The following INPP4B variants were observed in gnomAD, a reference collection of about 807,000 sequenced individuals.
The protein encoded by INPP4B is inositol polyphosphate-4-phosphatase type II B, also known as inositol polyphosphate 4-phosphatase type II.
In INPP4B, 55 loss-of-function variants were observed where a neutral mutation model predicts 122.5. The observed-to-expected ratio is 0.45, with a 90% confidence interval of 0.36 to 0.56. The LOEUF (loss-of-function observed/expected upper bound fraction) is 0.56. Ranked by LOEUF, INPP4B falls within the 20% of genes least tolerant of loss-of-function variation. The pLI is 0.00. For synonymous variants in INPP4B, 403 were observed against 388.7 expected, an observed-to-expected ratio of 1.04 and a Z score of -0.43; for missense variants, 1,000 against 1,097.7, an observed-to-expected ratio of 0.91 and a Z score of 1.26.
At chr4:142,445,257 G>T (rs1184805215) in intron 3 of INPP4B, among the ~76,000 whole-genome samples, 1 of 152,014 alleles carries the variant, frequency 6.6e-6, no homozygotes, top group Non-Finnish European at 1.5e-5. Context: ...GCATAAAAGA[G>T]ATCCACAGTA....
chr4:142,028,911 T>G lies in INPP4B; in HGVS notation c.2646A>C (p.Glu882Asp). Residue 882 changes from glutamate (E) to aspartate (D), a missense_variant, in exon 26 of 26, where the codon GAA becomes GAC. Glu to Asp is a conservative substitution (Grantham distance 45, BLOSUM62 2). Transcript: ENST00000262992. The stretch of plus-strand genomic sequence containing the variant: ...TCAGTACATTCTCTATGCGGCATCC[T>G]TCTCTGGTGAAAGGGGAAAAAGTAC... ...FIRALDCMRR[E>D]GCRIENVLKN... 2 of 1,608,730 alleles carry G rather than the reference T, an allele frequency of 1.2e-6. No individual in the cohort carries two copies. The highest frequency in any genetic ancestry group is 8.5e-7 in the Non-Finnish European group (1 of 1,178,170).
At chr4:142,517,598 T>C (rs897135922) in intron 2 of INPP4B, among the ~76,000 whole-genome samples, 9 of 152,154 alleles carry the variant, frequency 5.9e-5, no homozygotes, top group Non-Finnish European at 1.3e-4. Context: ...TGTCTTAGCC[T>C]TAAACAAAGA....
At position 142,222,772 on chromosome 4, in the gene INPP4B, C is replaced by T. The variant is rs146706504; in HGVS notation, c.837-13746G>A. 1.9e-3 allele frequency among the ~76,000 whole-genome samples: 288 copies of T among 152,256 alleles called. 1 individual carries two copies. Among genetic ancestry groups the T allele is most frequent in the African/African-American group, 6.4e-3 (267 of 41,554 alleles). On this transcript the variant is annotated intron_variant, in intron 12 of 25. Coordinates refer to ENST00000262992, the MANE Select transcript of INPP4B (RefSeq NM_001101669.3). The stretch of plus-strand genomic sequence containing the variant: ...TCTGCTCTTCTGTCCATTGAGAATT[C>T]GTGGCATAGTATAGTCAGCATACCT...
intron 1 of INPP4B, among the ~76,000 whole-genome samples, chr4:142,812,543 T>C (rs1192448892): frequency 6.6e-6 from 1 of 152,186 alleles, no homozygotes; most frequent in Non-Finnish European, 1.5e-5. Flanking sequence ...TTGCCTACTG[T>C]ATTGTAATGG....
At chr4:142,075,566 C>T (rs1770187804) in intron 25 of INPP4B, among the ~76,000 whole-genome samples, 1 of 151,836 alleles carries the variant, frequency 6.6e-6, no homozygotes, top group South Asian at 2.1e-4. Flanking sequence ...TTCCTAAGAC[C>T]TCGAAGACCA....
intron 5 of INPP4B, among the ~76,000 whole-genome samples, chr4:142,425,924 G>A (rs1186585702): frequency 6.6e-6 from 1 of 151,962 alleles, no homozygotes. Context: ...TGTACAAAAT[G>A]TATATTTTAT....
At chr4:142,517,531 C>T (rs1359496923) in intron 2 of INPP4B, among the ~76,000 whole-genome samples, 2 of 152,184 alleles carry the variant, frequency 1.3e-5, no homozygotes, top group East Asian at 1.9e-4. Flanking sequence ...CAGGTGCATC[C>T]TTGCACTCCC....
rs183456961 is a variant in INPP4B at position 142,206,871 on chromosome 4, T to C, written c.1072+1554A>G. ...GTACACAATATAGTACTGTGAACTA[T>C]AGACACTACACTGTACAGTAGCTCT... On this transcript the variant is annotated intron_variant, in intron 14 of 25. Transcript: ENST00000262992. Among the ~76,000 whole-genome samples, 11 of 152,248 alleles carry C rather than the reference T, an allele frequency of 7.2e-5. No individual in the cohort carries two copies. The East Asian group carries it at 2.1e-3, about 29-fold the overall frequency.
chr4:142,693,119 T>C (rs764763339), intron 2 of INPP4B, among the ~76,000 whole-genome samples: 11 of 152,184 alleles, frequency 7.2e-5, no homozygotes, highest in Non-Finnish European at 1.6e-4. Context: ...CGGAGTTATC[T>C]CAGATCTAAA....
At chr4:142,627,690 T>C (rs1359723526) in intron 2 of INPP4B, among the ~76,000 whole-genome samples, 4 of 151,622 alleles carry the variant, frequency 2.6e-5, no homozygotes, top group Non-Finnish European at 4.4e-5. Context: ...CGAATGTTCA[T>C]CAAGGATATT....
Position 142,027,327 on chromosome 4 carries a change from A to G in INPP4B, c.*1455T>C, listed in dbSNP as rs1175224911. Reference sequence around the variant, plus strand: ...GGAATCCTAGGCAAGGAGCTATCACATTAGCTATGGGAAGCATAATATCAT... The same window carrying G: ...GGAATCCTAGGCAAGGAGCTATCACGTTAGCTATGGGAAGCATAATATCAT... On this transcript the variant is annotated 3_prime_UTR_variant, in exon 26 of 26. Coordinates refer to ENST00000262992, the MANE Select transcript of INPP4B (RefSeq NM_001101669.3). 2 of 152,232 alleles carry G rather than the reference A, an allele frequency of 1.3e-5. No individual in the cohort carries two copies. The highest frequency in any genetic ancestry group is 2.9e-5 in the Non-Finnish European group (2 of 68,028). 9.4% of individuals were successfully genotyped at this position (152,232 alleles called of 1,614,324 possible).
At chr4:142,347,681 T>C (rs1400232608) in intron 7 of INPP4B, 3 of 314,216 alleles carry the variant, frequency 9.5e-6, no homozygotes, top group Non-Finnish European at 1.2e-5. Context: ...AAATAATTTC[T>C]ATGTAAACTT....
intron 2 of INPP4B, among the ~76,000 whole-genome samples, chr4:142,579,859 ATAGATAGATAGATAGGTAGG>A (rs1487687173): frequency 3.9e-5 from 4 of 101,646 alleles, no homozygotes; most frequent in East Asian, 5.1e-4. Context: ...GGATGAATGG[ATAGATAGATAGATAGGTAGG>A]TAGATAGATA....
At chr4:142,820,781 T>C (rs1780706731) in intron 1 of INPP4B, among the ~76,000 whole-genome samples, 1 of 152,174 alleles carries the variant, frequency 6.6e-6, no homozygotes, top group South Asian at 2.1e-4. Flanking sequence ...CAATGTATTG[T>C]AACAGTTTCT....
intron 2 of INPP4B, among the ~76,000 whole-genome samples, chr4:142,541,653 G>A (rs1465524997): frequency 6.6e-6 from 1 of 152,184 alleles, no homozygotes. Flanking sequence ...TGAGTAAGAT[G>A]CTAGGCTTTG....
chr4:142,081,220 T>C (rs528708611), intron 25 of INPP4B, among the ~76,000 whole-genome samples: 2 of 152,312 alleles, frequency 1.3e-5, no homozygotes, highest in South Asian at 2.1e-4. Context: ...GTGAATCATA[T>C]GACATTCCTT....
chr4:142,705,877 G>A (rs906697742), intron 2 of INPP4B, among the ~76,000 whole-genome samples: 1 of 152,126 alleles, frequency 6.6e-6, no homozygotes, highest in African/African-American at 2.4e-5. Flanking sequence ...CTTACTCCTT[G>A]GTATCTATTC....
At chr4:142,446,170 A>T (rs1812876453) in intron 3 of INPP4B, among the ~76,000 whole-genome samples, 1 of 151,934 alleles carries the variant, frequency 6.6e-6, no homozygotes, top group African/African-American at 2.4e-5. Context: ...GCTGATGAAG[A>T]TTTATTTTCC....
chr4:142,591,669 G>A (rs1341994307), intron 2 of INPP4B, among the ~76,000 whole-genome samples: 2 of 152,098 alleles, frequency 1.3e-5, no homozygotes, highest in Non-Finnish European at 2.9e-5. Context: ...GACAAACACT[G>A]TCTTATCCAA....
Sources: gnomAD v4.1 joint callset for allele counts (sites outside exome capture counted in the v4.1 genomes callset) on GRCh38, gnomAD v4.1.1 for gene constraint, MANE v1.5 for transcripts, NCBI Gene and HGNC (gene_info 2026-07-23, HGNC 2026-07-21) for gene names.